The following ARSL variants were observed in gnomAD, a reference collection of about 807,000 sequenced individuals.
ARSL encodes arylsulfatase L.
In ARSL, 4 loss-of-function variants were observed where a neutral mutation model predicts 31.1. That is an observed-to-expected ratio of 0.13 (90% confidence interval 0.06 to 0.29). The LOEUF (loss-of-function observed/expected upper bound fraction) is 0.29, where lower values mean the gene tolerates loss of function less well. Among genes scored for constraint, ARSL ranks in the 10% least tolerant of loss-of-function variants. The pLI is 1.00. For missense variants in ARSL, 312 were observed against 497.8 expected (o/e 0.63, Z 3.55); for synonymous variants, 198 against 209.9 (o/e 0.94, Z 0.49).
In ARSL at chrX:2,936,736, A is replaced by G. The variant is rs371449264; in HGVS notation, c.1411+6T>C. On this transcript the variant is annotated splice_donor_region_variant and intron_variant, in intron 10 of 10. Transcript: ENST00000381134. ...AAGGGTGTTAGGAAGGGGCTCCCCT[A>G]CTCACTGTCCCGTTGATGCCACCTG... 8.3e-7 allele frequency: 1 copy of G among 1,211,061 alleles called. No homozygotes were observed. The highest frequency in any genetic ancestry group is 1.1e-6 in the Non-Finnish European group (1 of 895,129).
chrX:2,944,901 G>C (rs2089351264), intron 7 of ARSL, among the ~76,000 whole-genome samples: 1 of 108,846 alleles, frequency 9.2e-6, no homozygotes, highest in Non-Finnish European at 1.9e-5. Flanking sequence ...TGCTGTGTTA[G>C]GAAAAAAAGA....
chrX:2,944,140 T>C (rs1025556286), intron 7 of ARSL, among the ~76,000 whole-genome samples: 10 of 110,752 alleles, frequency 9.0e-5, no homozygotes, highest in African/African-American at 3.3e-4. Flanking sequence ...GTTGCACCAC[T>C]GCACTCCAGC....
intron 4 of ARSL, 35 bp downstream of exon 4, chrX:2,955,381 G>C: frequency 1.7e-6 from 2 of 1,207,900 alleles, no homozygotes; most frequent in Non-Finnish European, 2.2e-6. Flanking sequence ...AATACACCAG[G>C]CTGCACCCTA....
Position 2,936,806 on chromosome X carries a change from G to A in ARSL, c.1347C>T (p.Asp449=). The A allele has an allele frequency of 8.3e-7, 1 of 1,211,724 alleles. No individual in the cohort carries two copies. The highest frequency in any genetic ancestry group is 1.1e-6 in the Non-Finnish European group (1 of 895,474). Reference sequence around the variant, plus strand: ...CACAATAATGCATCAGGAACTCGTGGTCTGAGTGTTGGGCTGTCCCCAGGA... The same window carrying A: ...CACAATAATGCATCAGGAACTCGTGATCTGAGTGTTGGGCTGTCCCCAGGA... ...PLLLGTAQHS[D]HEFLMHYCER... Residue 449 remains aspartate, a synonymous_variant, in exon 10 of 11, where the codon GAC becomes GAT. Coordinates refer to ENST00000381134, the MANE Select transcript of ARSL (RefSeq NM_000047.3).
intron 3 of ARSL, among the ~76,000 whole-genome samples, chrX:2,957,420 G>A (rs1463554471): frequency 2.7e-5 from 3 of 109,319 alleles, no homozygotes; most frequent in African/African-American, 1.0e-4. Flanking sequence ...TTTAAAAAAT[G>A]AAATGAGGCC....
chrX:2,955,752 C>T (rs972758069), intron 3 of ARSL, among the ~76,000 whole-genome samples: 5 of 112,146 alleles, frequency 4.5e-5, no homozygotes, highest in Non-Finnish European at 9.4e-5. Context: ...TGGCTGGACG[C>T]GGTGGCTCAT....
Position 2,946,071 on chromosome X carries a change from A to G in ARSL, c.918T>C (p.Thr306=). ...SFLHVHIPLI[T]MENFLGKSLH... is the part of the protein sequence containing the mutation. ...GACTCTTCCCGAGGAAGTTCTCCAT[A>G]GTGATAAGAGGGATGTGAACGTGTA... Residue 306 remains threonine (T), a synonymous_variant, in exon 7 of 11, where the codon ACT becomes ACC. Transcript: ENST00000381134. 1 of 1,210,053 alleles carries G rather than the reference A, an allele frequency of 8.3e-7. No individual in the cohort carries two copies. Among genetic ancestry groups the G allele is most frequent in the Non-Finnish European group, 1.1e-6 (1 of 894,321 alleles).
In ARSL at chrX:2,938,151, C is replaced by G; in HGVS notation, c.1233G>C (p.Leu411=). The change falls in exon 9 of 11, where the codon CTG becomes CTC. Residue 411 remains leucine (L), a synonymous_variant. Coordinates refer to ENST00000381134, the MANE Select transcript of ARSL (RefSeq NM_000047.3). ...AGRVIGEPTS[L]MDVFPTVVRL... is the part of the protein sequence containing the mutation. ...GGACCACGGTGGGGAACACGTCCAT[C>G]AGACTCGTGGGCTCGCCAATCACTC... The G allele has an allele frequency of 8.2e-7, 1 of 1,212,200 alleles. No individual in the cohort carries two copies.
intron 1 of ARSL, among the ~76,000 whole-genome samples, chrX:2,960,724 A>T (rs1455318772): frequency 4.5e-5 from 5 of 111,519 alleles, no homozygotes; most frequent in Non-Finnish European, 1.9e-5. Context: ...TTCATAGCCC[A>T]TGAGTGATCA....
chrX:2,941,925 T>G (rs2089287721), intron 8 of ARSL, among the ~76,000 whole-genome samples: 1 of 112,779 alleles, frequency 8.9e-6, no homozygotes, highest in Non-Finnish European at 1.9e-5. Context: ...ACTCTGATAA[T>G]CTACTAAAAA....
chrX:2,956,892 G>T (rs2147397375), intron 3 of ARSL, among the ~76,000 whole-genome samples: 1 of 110,039 alleles, frequency 9.1e-6, no homozygotes, highest in South Asian at 4.0e-4. Context: ...GATTACAGGT[G>T]CATGCCATCA....
At position 2,944,314 on chromosome X, in the gene ARSL, C is replaced by T. The variant is rs758459727; in HGVS notation, c.992-1115G>A. Reference sequence around the variant, plus strand: ...ACTAAAAGTACAAAAATTAGCCAGGCATGGTGGCGGGTGCCTGTAAACCCA... The same window carrying T: ...ACTAAAAGTACAAAAATTAGCCAGGTATGGTGGCGGGTGCCTGTAAACCCA... On this transcript the variant is annotated intron_variant, in intron 7 of 10. Coordinates refer to ENST00000381134, the MANE Select transcript of ARSL (RefSeq NM_000047.3). 2.0e-4 allele frequency among the ~76,000 whole-genome samples: 22 copies of T among 108,895 alleles called. No homozygotes were observed. In the East Asian group the frequency reaches 6.1e-3, roughly 30 times the overall value. The allele number at this position is 108,895 out of a possible 115,157, so 94.6% of individuals were successfully genotyped here.
In ARSL at chrX:2,949,408, A is replaced by T. The variant is rs142332875; in HGVS notation, c.750T>A (p.His250Gln). The T allele has an allele frequency of 1.7e-6, 2 of 1,209,085 alleles. No homozygotes were observed. The highest frequency in any genetic ancestry group is 2.2e-6 in the Non-Finnish European group (2 of 895,144). Reference protein sequence around the residue: ...SSYFVGALIVHADCFLMRNHT... With the variant: ...SSYFVGALIVQADCFLMRNHT... The stretch of plus-strand genomic sequence containing the variant: ...GGTTTCTCATCAGAAAGCAATCGGC[A>T]TGGACAATCAGAGCACCCACAAAAT... Residue 250 changes from histidine to glutamine, a missense_variant, in exon 6 of 11, where the codon CAT (histidine) becomes CAA (glutamine). Coordinates refer to ENST00000381134, the MANE Select transcript of ARSL (RefSeq NM_000047.3).
At chrX:2,966,776 C>T (rs1021286268), upstream of ARSL, among the ~76,000 whole-genome samples, 4 of 108,286 alleles carry the variant, frequency 3.7e-5, no homozygotes, top group African/African-American at 6.7e-5. Context: ...TGTACATATA[C>T]GTACACATCT....
chrX:2,934,673 A>G lies in ARSL; in HGVS notation c.*159T>C. 1 of 442,186 alleles carries G rather than the reference A, an allele frequency of 2.3e-6. No individual in the cohort carries two copies. The highest frequency in any genetic ancestry group is 4.0e-6 in the Non-Finnish European group (1 of 251,182). 36.4% of individuals were successfully genotyped at this position (442,186 alleles called of 1,213,427 possible). On this transcript the variant is annotated 3_prime_UTR_variant, in exon 11 of 11. Transcript: ENST00000381134. ...TTTTATTTTTGTTTTGTAGAGCTAG[A>G]GTTTCATCATGTTGCCCAGGTTGGT... is the stretch of plus-strand genomic sequence containing the variant.
upstream of ARSL, among the ~76,000 whole-genome samples, chrX:2,965,237 A>G (rs1308103809): frequency 8.9e-6 from 1 of 112,332 alleles, no homozygotes; most frequent in African/African-American, 3.2e-5. Flanking sequence ...GCAGTGGCTC[A>G]TGCCTGTAAT....
chrX:2,957,434 C>T (rs2089540724), intron 3 of ARSL, among the ~76,000 whole-genome samples: 1 of 109,316 alleles, frequency 9.1e-6, no homozygotes, highest in South Asian at 3.9e-4. Context: ...TGAGGCCAGG[C>T]ACAGTGGCTC....
At chrX:2,940,439 G>A (rs2089265898) in intron 8 of ARSL, among the ~76,000 whole-genome samples, 1 of 111,670 alleles carries the variant, frequency 9.0e-6, no homozygotes, top group Non-Finnish European at 1.9e-5. Flanking sequence ...AGGCCCAGCT[G>A]GGAGGACTGC....
intron 2 of ARSL, among the ~76,000 whole-genome samples, chrX:2,960,050 A>G (rs1230901538): frequency 9.4e-6 from 1 of 106,456 alleles, no homozygotes; most frequent in Admixed American, 1.0e-4. Context: ...CGGGCGGATC[A>G]CGAGGTCAGG....
Sources: gnomAD v4.1 joint callset for allele counts (sites outside exome capture counted in the v4.1 genomes callset) on GRCh38, gnomAD v4.1.1 for gene constraint, MANE v1.5 for transcripts, NCBI Gene and HGNC (gene_info 2026-07-23, HGNC 2026-07-21) for gene names.